AIG1: variants seen among roughly 807,000 people sequenced by gnomAD.
AIG1 encodes the protein androgen induced 1.
Under a neutral mutation model 31.4 loss-of-function variants are expected in AIG1, and 23 were observed. The observed-to-expected ratio is 0.73, with a 90% CI of 0.53 to 1.04. AIG1 has a LOEUF of 1.04. Ranked by LOEUF, AIG1 falls within the 50% of genes least tolerant of loss-of-function variation. The pLI is 0.00. For missense variants in AIG1, 274 were observed against 295.0 expected (o/e 0.93, Z 0.52); for synonymous variants, 100 against 110.5 (o/e 0.90, Z 0.60).
chr6:143,124,466 G>A (rs149778391), intron 1 of AIG1, among the ~76,000 whole-genome samples: 201 of 152,292 alleles, frequency 1.3e-3, no homozygotes, highest in Middle Eastern at 3.4e-3. Flanking sequence ...ACGGTGGACC[G>A]TGAACTCCTT....
At chr6:143,263,277 T>TG in intron 3 of AIG1, among the ~76,000 whole-genome samples, 1 of 151,104 alleles carries the variant, frequency 6.6e-6, no homozygotes, top group East Asian at 1.9e-4. Context: ...CTTTATTTGT[T>TG]TTTTTTTTTC....
intron 1 of AIG1, among the ~76,000 whole-genome samples, chr6:143,115,781 A>G (rs539441466): frequency 3.3e-5 from 5 of 152,358 alleles, no homozygotes; most frequent in African/African-American, 1.2e-4. Context: ...CTGCAGAGCC[A>G]GCCTTCAGCT....
chr6:143,136,813 A>T (rs1282542735), intron 1 of AIG1, 22 bp from the exon 2 acceptor site: 2 of 1,352,328 alleles, frequency 1.5e-6, no homozygotes, highest in Non-Finnish European at 1.9e-6. Flanking sequence ...AATGACTCAT[A>T]CCGGCTGTTG....
intron 2 of AIG1, 26 bp from the exon 3 acceptor site, chr6:143,165,056 A>C (rs1443100344): frequency 2.0e-6 from 3 of 1,524,978 alleles, no homozygotes; most frequent in Non-Finnish European, 2.7e-6. Context: ...ATGAACTTGA[A>C]ATAAAAGATT....
chr6:143,229,128 C>T (rs1480946199), intron 3 of AIG1, among the ~76,000 whole-genome samples: 1 of 152,226 alleles, frequency 6.6e-6, no homozygotes, highest in Non-Finnish European at 1.5e-5. Flanking sequence ...TTGGACTTGG[C>T]CTTAAGGCAG....
At chr6:143,267,633 A>G (rs1048287180) in intron 3 of AIG1, among the ~76,000 whole-genome samples, 2 of 152,154 alleles carry the variant, frequency 1.3e-5, no homozygotes, top group Non-Finnish European at 2.9e-5. Flanking sequence ...CCCTGCCCTC[A>G]TCTTGGTTCC....
chr6:143,189,081 A>T (rs763190978), intron 3 of AIG1: 9 of 895,618 alleles, frequency 1.0e-5, no homozygotes, highest in Non-Finnish European at 1.2e-5. Context: ...TCACTGTGTC[A>T]TCCAGGCTGG....
intron 3 of AIG1, among the ~76,000 whole-genome samples, chr6:143,249,048 A>G (rs1794810370): frequency 6.6e-6 from 1 of 152,250 alleles, no homozygotes; most frequent in South Asian, 2.1e-4. Context: ...AGTAAAGTAT[A>G]TAATTATATA....
chr6:143,304,459 C>A (rs1322566550), intron 4 of AIG1, among the ~76,000 whole-genome samples: 1 of 152,024 alleles, frequency 6.6e-6, no homozygotes, highest in Non-Finnish European at 1.5e-5. Flanking sequence ...TTGTCAAAGG[C>A]CTTTTCTGCA....
Position 143,084,970 on chromosome 6 carries a change from G to A in AIG1, c.141+23904G>A, listed in dbSNP as rs149369967. ...AACTGTAACTGAGATATCAGAGATCGCCAAACTCTCGGGCTGCAGTTACGG... is the reference window on the plus strand; with the variant it reads ...AACTGTAACTGAGATATCAGAGATCACCAAACTCTCGGGCTGCAGTTACGG... On this transcript the variant is annotated intron_variant, in intron 1 of 5. Coordinates refer to ENST00000357847, the MANE Select transcript of AIG1 (RefSeq NM_016108.4). Among the ~76,000 whole-genome samples, 44 of 152,192 alleles carry A rather than the reference G, an allele frequency of 2.9e-4. No homozygotes were observed. The East Asian group carries it at 4.8e-3, about 17-fold the overall frequency.
intron 3 of AIG1, among the ~76,000 whole-genome samples, chr6:143,266,360 A>G (rs374374633): frequency 9.8e-5 from 13 of 133,042 alleles, no homozygotes; most frequent in Admixed American, 9.3e-4. Flanking sequence ...AAAAAAAAAA[A>G]AAAAAGAATA....
intron 3 of AIG1, among the ~76,000 whole-genome samples, chr6:143,192,480 C>T (rs1789875384): frequency 1.3e-5 from 2 of 151,976 alleles, no homozygotes; most frequent in African/African-American, 2.4e-5. Context: ...TGGCACATGC[C>T]TGTAGTCCCA....
At chr6:143,077,122 A>G (rs549195663) in intron 1 of AIG1, among the ~76,000 whole-genome samples, 1 of 152,334 alleles carries the variant, frequency 6.6e-6, no homozygotes, top group South Asian at 2.1e-4. Context: ...AGTGAAATAT[A>G]TAAACCTTGT....
At chr6:143,342,982 G>A (rs1201636140), downstream of AIG1, 17 of 990,222 alleles carry the variant, frequency 1.7e-5, no homozygotes, top group Non-Finnish European at 2.8e-5. Context: ...GCAGTTCATG[G>A]CAGTGTACCT....
chr6:143,169,076 A>G (rs1787245755), intron 3 of AIG1, among the ~76,000 whole-genome samples: 1 of 151,774 alleles, frequency 6.6e-6, no homozygotes, highest in Non-Finnish European at 1.5e-5. Flanking sequence ...TTTACTACTT[A>G]TCCAATCACA....
chr6:143,313,029 G>A (rs953284190), intron 4 of AIG1, among the ~76,000 whole-genome samples: 6 of 152,060 alleles, frequency 3.9e-5, no homozygotes, highest in Non-Finnish European at 5.9e-5. Context: ...CAGTAAAAAT[G>A]GCTTTTATCC....
intron 1 of AIG1, among the ~76,000 whole-genome samples, chr6:143,066,627 C>G (rs1434375428): frequency 2.6e-5 from 4 of 151,530 alleles, no homozygotes; most frequent in Non-Finnish European, 4.4e-5. Flanking sequence ...TGTGATATAA[C>G]AAAAAAATGT....
intron 3 of AIG1, among the ~76,000 whole-genome samples, chr6:143,204,200 G>A (rs1790924671): frequency 6.6e-6 from 1 of 152,200 alleles, no homozygotes; most frequent in Admixed American, 6.5e-5. Flanking sequence ...TTAGGATTGT[G>A]TTGGTCTGGA....
chr6:143,074,114 A>G (rs773755787), intron 1 of AIG1, among the ~76,000 whole-genome samples: 4 of 152,190 alleles, frequency 2.6e-5, no homozygotes, highest in Non-Finnish European at 5.9e-5. Context: ...ATTGAGTTGC[A>G]TCAGTTCTTT....
Sources: allele counts gnomAD v4.1 joint callset (sites outside exome capture counted in the v4.1 genomes callset), GRCh38; gene constraint gnomAD v4.1.1; transcripts MANE v1.5; gene names NCBI Gene and HGNC (gene_info 2026-07-23, HGNC 2026-07-21).